The following TXNRD1 variants were observed in gnomAD, a reference collection of about 807,000 sequenced individuals.
The protein encoded by TXNRD1 is thioredoxin reductase 1, cytoplasmic.
A neutral mutation model predicts 80.3 loss-of-function variants in TXNRD1; 57 were observed. The observed-to-expected ratio is 0.71, with a 90% CI of 0.57 to 0.89. The LOEUF (loss-of-function observed/expected upper bound fraction) is 0.89. Ranked by LOEUF, TXNRD1 falls within the 40% of genes least tolerant of loss-of-function variation. The pLI is 0.00. For missense variants in TXNRD1, 730 were observed against 803.0 expected (o/e 0.91, Z 1.10); for synonymous variants, 291 against 285.2 (o/e 1.02, Z -0.20).
intron 4 of TXNRD1, among the ~76,000 whole-genome samples, chr12:104,291,950 ATTTATTTAGTGGAGAATTGAGTGC>A (rs994081113): frequency 6.6e-6 from 1 of 152,208 alleles, no homozygotes; most frequent in African/African-American, 2.4e-5. Flanking sequence ...GGAGAAAGGC[ATTTATTTAGTGGAGAATTGAGTGC>A]TTATAGTCCT....
At chr12:104,274,271 C>T (rs2033711975) in intron 3 of TXNRD1, among the ~76,000 whole-genome samples, 3 of 152,006 alleles carry the variant, frequency 2.0e-5, no homozygotes, top group Admixed American at 2.0e-4. Flanking sequence ...ATGAAGTGAC[C>T]ATAGCTTTCC....
In TXNRD1 at chr12:104,286,881, A is replaced by T. The variant is rs974867520; in HGVS notation, c.305-2050A>T. 8.1e-6 allele frequency: 9 copies of T among 1,113,732 alleles called. No individual in the cohort carries two copies. In the East Asian group the frequency reaches 2.0e-4, roughly 25 times the overall value. 69.0% of individuals were successfully genotyped at this position (1,113,732 alleles called of 1,614,324 possible). On this transcript the variant is annotated intron_variant, in intron 3 of 16. Coordinates refer to ENST00000525566, the MANE Select transcript of TXNRD1 (RefSeq NM_001093771.3). Reference sequence around the variant, plus strand: ...TCACCCAATTAGGAGCTCTCAGCTTACGAGGCAATTAGCATAGGTTGCCAG... The same window carrying T: ...TCACCCAATTAGGAGCTCTCAGCTTTCGAGGCAATTAGCATAGGTTGCCAG...
At chr12:104,255,734 A>G (rs2033234203) in intron 2 of TXNRD1, among the ~76,000 whole-genome samples, 1 of 152,168 alleles carries the variant, frequency 6.6e-6, no homozygotes, top group Non-Finnish European at 1.5e-5. Context: ...CAGAGGTTGC[A>G]GTGAGCCAAG....
At position 104,348,838 on chromosome 12, in the gene TXNRD1, AG is replaced by A. The variant is rs2135907724; in HGVS notation, c.*418del. On this transcript the variant is annotated 3_prime_UTR_variant, in exon 17 of 17. Transcript: ENST00000525566. ...AATGATATTAGAGATGAAAAACGTT[AG>A]CAGTTGATTTTTGTCCAAAAGCAAG... The A allele has an allele frequency of 6.0e-6, 1 of 167,432 alleles. No homozygotes were observed. Among genetic ancestry groups the A allele is most frequent in the Non-Finnish European group, 1.3e-5 (1 of 76,970 alleles). 10.4% of individuals were successfully genotyped at this position (167,432 alleles called of 1,614,324 possible). A position where few individuals can be genotyped will look rare whatever the true frequency, so the allele number is the denominator to read the frequency against.
At chr12:104,249,911 T>A (rs533683337) in intron 1 of TXNRD1, among the ~76,000 whole-genome samples, 1 of 124,528 alleles carries the variant, frequency 8.0e-6, no homozygotes, top group Admixed American at 1.0e-4. Flanking sequence ...ACTCCAGCCT[T>A]GGCAACAGAG....
intron 10 of TXNRD1, among the ~76,000 whole-genome samples, chr12:104,324,305 T>G (rs1368818515): frequency 6.6e-6 from 1 of 151,796 alleles, no homozygotes; most frequent in African/African-American, 2.4e-5. Context: ...TTTTATTATT[T>G]ATTGATGTCA....
At chr12:104,297,660 C>T (rs1034252612) in intron 4 of TXNRD1, among the ~76,000 whole-genome samples, 13 of 152,208 alleles carry the variant, frequency 8.5e-5, no homozygotes, top group African/African-American at 2.2e-4. Context: ...CTACCATGCC[C>T]GGCCTGATTT....
chr12:104,257,957 G>A (rs530018682), intron 2 of TXNRD1, 62 bp from the exon 3 acceptor site: 19 of 1,287,516 alleles, frequency 1.5e-5, no homozygotes, highest in South Asian at 1.4e-4. Flanking sequence ...CTGGATAAGA[G>A]ATTCTCTTGT....
chr12:104,217,394 T>A (rs578249539), intron 1 of TXNRD1, among the ~76,000 whole-genome samples: 3 of 149,482 alleles, frequency 2.0e-5, no homozygotes, highest in Non-Finnish European at 4.4e-5. Context: ...CACCTCAGCC[T>A]CCACCTCCCA....
chr12:104,250,121 T>C lies in TXNRD1; in HGVS notation c.92-1406T>C, dbSNP rs74913771. On this transcript the variant is annotated intron_variant, in intron 1 of 16. Transcript: ENST00000525566. ...CGCTACCTTTACATTTATGGTCAAT[T>C]GATTTTTGACAAGGTTGGCAAGATA... Among the ~76,000 whole-genome samples the C allele has an allele frequency of 3.3e-3, 509 of 152,276 alleles. 1 individual carries two copies. The highest frequency in any genetic ancestry group is 0.012 in the African/African-American group (483 of 41,562).
chr12:104,326,742 A>C (rs35730157), intron 12 of TXNRD1, among the ~76,000 whole-genome samples: 1,926 of 152,268 alleles, frequency 0.013, 36 homozygotes, highest in African/African-American at 0.041. Context: ...CTGGGATTAC[A>C]TGTGTGAGCC....
chr12:104,290,757 A>ATATATATATG (rs2034172380), intron 4 of TXNRD1, among the ~76,000 whole-genome samples: 2 of 112,550 alleles, frequency 1.8e-5, no homozygotes, highest in Admixed American at 8.8e-5. Flanking sequence ...ATATATATAT[A>ATATATATATG]TGTATATTTC....
At chr12:104,245,151 G>GT (rs1476202134) in intron 1 of TXNRD1, among the ~76,000 whole-genome samples, 2 of 152,074 alleles carry the variant, frequency 1.3e-5, no homozygotes, top group African/African-American at 4.8e-5. Flanking sequence ...AGGCTAGGAG[G>GT]TAGGGGTCTT....
intron 4 of TXNRD1, among the ~76,000 whole-genome samples, chr12:104,297,911 C>T (rs143094873): frequency 7.2e-5 from 11 of 152,270 alleles, no homozygotes; most frequent in East Asian, 3.9e-4. Flanking sequence ...TGGAGGCTCT[C>T]GTAACCTGAA....
intron 3 of TXNRD1, chr12:104,287,462 C>A (rs746199212): frequency 6.2e-7 from 1 of 1,611,160 alleles, no homozygotes; most frequent in South Asian, 1.1e-5. Context: ...GAGTCCGAGT[C>A]TTGAAATGTA....
intron 4 of TXNRD1, among the ~76,000 whole-genome samples, chr12:104,294,983 G>A (rs1021431507): frequency 3.3e-5 from 5 of 152,308 alleles, no homozygotes; most frequent in Admixed American, 6.5e-5. Context: ...CATTAGTAAT[G>A]TATCTGCTTT....
chr12:104,225,363 C>G (rs990391319), intron 1 of TXNRD1, among the ~76,000 whole-genome samples: 1 of 152,210 alleles, frequency 6.6e-6, no homozygotes, highest in East Asian at 1.9e-4. Flanking sequence ...GTGTACTTAA[C>G]CACTGTGCTC....
At chr12:104,219,596 C>T (rs2135672072) in intron 1 of TXNRD1, among the ~76,000 whole-genome samples, 1 of 152,276 alleles carries the variant, frequency 6.6e-6, no homozygotes, top group Admixed American at 6.5e-5. Flanking sequence ...CATCTTGGCA[C>T]TTAGCATTTA....
intron 3 of TXNRD1, among the ~76,000 whole-genome samples, chr12:104,281,556 G>C (rs1004918731): frequency 1.1e-4 from 17 of 151,706 alleles, no homozygotes; most frequent in African/African-American, 4.1e-4. Context: ...ACAGGCGCCT[G>C]CTACCACGCC....
Sources: allele counts gnomAD v4.1 joint callset (sites outside exome capture counted in the v4.1 genomes callset), GRCh38; gene constraint gnomAD v4.1.1; transcripts MANE v1.5; gene names NCBI Gene and HGNC (gene_info 2026-07-23, HGNC 2026-07-21).